The following CDH1 variants were observed in gnomAD, a reference collection of about 807,000 sequenced individuals.
CDH1 encodes the protein cadherin-1.
In CDH1, 35 loss-of-function variants were observed where a neutral mutation model predicts 84.5. The observed-to-expected ratio is 0.41, with a 90% confidence interval of 0.32 to 0.55. CDH1 has a LOEUF of 0.55. CDH1 is among the 20% of genes least tolerant of loss of function. CDH1 has a pLI of 0.19. For synonymous variants in CDH1, 417 were observed against 439.0 expected, an observed-to-expected ratio of 0.95 and a Z score of 0.63; for missense variants, 994 against 1,126.6, an observed-to-expected ratio of 0.88 and a Z score of 1.68.
At chr16:68,741,396 C>T (rs932643791) in intron 2 of CDH1, among the ~76,000 whole-genome samples, 9 of 152,176 alleles carry the variant, frequency 5.9e-5, no homozygotes, top group African/African-American at 1.4e-4. Flanking sequence ...GGACAGTGCA[C>T]GGAAGTGAAG....
At chr16:68,802,525 G>A (rs1960544604) in intron 3 of CDH1, among the ~76,000 whole-genome samples, 1 of 151,832 alleles carries the variant, frequency 6.6e-6, no homozygotes, top group Non-Finnish European at 1.5e-5. Context: ...GGCTCAGGCT[G>A]GAGTGCAGTG....
At chr16:68,737,773 T>TG (rs1962440647) in intron 1 of CDH1, among the ~76,000 whole-genome samples, 1 of 129,092 alleles carries the variant, frequency 7.7e-6, no homozygotes, top group Non-Finnish European at 1.7e-5. Context: ...GTGTAGGGGG[T>TG]GGGGTGTGGA....
chr16:68,743,291 CTT>C (rs1962616267), intron 2 of CDH1, among the ~76,000 whole-genome samples: 1 of 5,844 alleles, frequency 1.7e-4, no homozygotes, highest in Non-Finnish European at 3.6e-4. Context: ...CTCTTTCTTT[CTT>C]TCTTTCTTTC....
chr16:68,751,942 G>C (rs1962892016), intron 2 of CDH1, among the ~76,000 whole-genome samples: 1 of 130,874 alleles, frequency 7.6e-6, no homozygotes, highest in Non-Finnish European at 1.6e-5. Flanking sequence ...GCTAATTTTT[G>C]TATTTTTGTA....
intron 15 of CDH1, 68 bp downstream of exon 15, chr16:68,829,865 T>C (rs1166246825): frequency 2.0e-6 from 3 of 1,506,650 alleles, no homozygotes; most frequent in African/African-American, 1.4e-5. Context: ...GTGTCAAAAA[T>C]GAGAAAAAGA....
At chr16:68,773,479 A>G (rs1959641415) in intron 2 of CDH1, among the ~76,000 whole-genome samples, 1 of 151,932 alleles carries the variant, frequency 6.6e-6, no homozygotes, top group African/African-American at 2.4e-5. Flanking sequence ...TTGTATTTTT[A>G]GTACAGACGG....
chr16:68,776,269 G>A (rs902044051), intron 2 of CDH1, among the ~76,000 whole-genome samples: 1 of 152,190 alleles, frequency 6.6e-6, no homozygotes, highest in Non-Finnish European at 1.5e-5. Context: ...TTACAGGTGT[G>A]AGCCACCGCA....
intron 3 of CDH1, among the ~76,000 whole-genome samples, 177 bp from the exon 4 acceptor site, chr16:68,808,247 G>A (rs188668005): frequency 1.3e-5 from 2 of 152,166 alleles, no homozygotes; most frequent in East Asian, 1.9e-4. Flanking sequence ...TTTTTGTTTT[G>A]ATTGGTCATT....
chr16:68,828,348 T>C (rs1596971161), intron 14 of CDH1, 44 bp downstream of exon 14: 1 of 1,608,552 alleles, frequency 6.2e-7, no homozygotes, highest in Non-Finnish European at 8.5e-7. Context: ...ATCTCTTTAT[T>C]CGGAAGAAGC....
At position 68,808,583 on chromosome 16, in the gene CDH1, C is replaced by A. The variant is rs376565246; in HGVS notation, c.531+16C>A. On this transcript the variant is annotated intron_variant, in intron 4 of 15. Transcript: ENST00000261769. ...CCTGGTTCAGGTAGAGAAAGAAGTTCTCTGTTTCTCTGGGAGGGATTTGGC... is the reference window on the plus strand; with the variant it reads ...CCTGGTTCAGGTAGAGAAAGAAGTTATCTGTTTCTCTGGGAGGGATTTGGC... 5 of 1,613,950 alleles carry A rather than the reference C, an allele frequency of 3.1e-6. No individual in the cohort carries two copies. The highest frequency in any genetic ancestry group is 3.4e-6 in the Non-Finnish European group (4 of 1,179,962).
intron 3 of CDH1, among the ~76,000 whole-genome samples, chr16:68,806,506 T>A (rs1960666202): frequency 6.6e-6 from 1 of 152,118 alleles, no homozygotes; most frequent in African/African-American, 2.4e-5. Flanking sequence ...GGGTCAAATC[T>A]CAATAAAACC....
At chr16:68,776,393 GTGCTGAGTGGCA>G (rs1959733485) in intron 2 of CDH1, among the ~76,000 whole-genome samples, 1 of 152,180 alleles carries the variant, frequency 6.6e-6, no homozygotes, top group Non-Finnish European at 1.5e-5. Flanking sequence ...GTGGATTAAA[GTGCTGAGTGGCA>G]TGCCTGGTGC....
Position 68,815,524 on chromosome 16 carries a change from T to A in CDH1, c.1330T>A (p.Phe444Ile). The A allele has an allele frequency of 6.2e-7, 1 of 1,614,256 alleles. No individual in the cohort carries two copies. The highest frequency in any genetic ancestry group is 8.5e-7 in the Non-Finnish European group (1 of 1,180,054). ...TGTTTCTGCTCTCTAGGGCTTGGAT[T>A]TTGAGGCCAAGCAGCAGTACATTCT... Reference protein sequence around the residue: ...GILKTAKGLDFEAKQQYILHV... With the variant: ...GILKTAKGLDIEAKQQYILHV... The change falls in exon 10 of 16, where the codon TTT becomes ATT. Residue 444 changes from phenylalanine (F) to isoleucine (I), a missense_variant. By Grantham distance (21) the Phe-to-Ile change is conservative. Around this residue, in one of 3 missense-constraint regions of CDH1, gnomAD observed 769 missense variants for 881.8 expected, o/e 0.87. Transcript: ENST00000261769.
At chr16:68,740,412 C>T (rs1309123838) in intron 2 of CDH1, among the ~76,000 whole-genome samples, 2 of 152,032 alleles carry the variant, frequency 1.3e-5, no homozygotes, top group African/African-American at 4.8e-5. Flanking sequence ...CTCCTGGGCT[C>T]AAGTGATTCA....
chr16:68,754,422 A>G (rs1204531256), intron 2 of CDH1, among the ~76,000 whole-genome samples: 1 of 152,188 alleles, frequency 6.6e-6, no homozygotes, highest in Non-Finnish European at 1.5e-5. Context: ...AAGAAAAAAG[A>G]AAAGTATTTG....
chr16:68,812,448 G>A (rs893394780), intron 8 of CDH1, among the ~76,000 whole-genome samples, 185 bp downstream of exon 8: 1 of 152,116 alleles, frequency 6.6e-6, no homozygotes, highest in Non-Finnish European at 1.5e-5. Context: ...TTCCACCCTT[G>A]GCCTGGGGCC....
At chr16:68,764,152 A>T (rs1959303277) in intron 2 of CDH1, among the ~76,000 whole-genome samples, 1 of 152,204 alleles carries the variant, frequency 6.6e-6, no homozygotes, top group Admixed American at 6.5e-5. Flanking sequence ...AAGCTACCCG[A>T]AGTTGTAGAC....
At chr16:68,769,780 T>G (rs1959500837) in intron 2 of CDH1, among the ~76,000 whole-genome samples, 2 of 151,594 alleles carry the variant, frequency 1.3e-5, no homozygotes, top group Non-Finnish European at 2.9e-5. Context: ...ATAAAAACAT[T>G]AGCTGGGGCC....
chr16:68,786,543 T>TTTTTTTTC (rs1296318504), intron 2 of CDH1, among the ~76,000 whole-genome samples: 5 of 139,714 alleles, frequency 3.6e-5, no homozygotes, highest in African/African-American at 1.3e-4. Context: ...TCTTTTTTTT[T>TTTTTTTTC]TTTTTTTTTT....
Sources: allele counts gnomAD v4.1 joint callset (sites outside exome capture counted in the v4.1 genomes callset), GRCh38; gene constraint gnomAD v4.1.1; regional missense constraint gnomAD v4.1.1; transcripts MANE v1.5; gene names NCBI Gene and HGNC (gene_info 2026-07-23, HGNC 2026-07-21).